Variants in ACAA2 observed in about 807,000 individuals in gnomAD.
ACAA2 encodes the protein acetyl-CoA acyltransferase 2.
ACAA2 carries 35 observed loss-of-function variants against 44.8 expected under a neutral mutation model. The ratio of observed to expected loss-of-function variants is 0.78; its 90% CI spans 0.60 to 1.04. ACAA2 has a LOEUF of 1.04. ACAA2 is among the 50% of genes least tolerant of loss of function. The probability of loss-of-function intolerance (pLI) is 0.00; values close to 1 mark genes in which losing one functional copy is unlikely to be tolerated. For synonymous variants in ACAA2, 142 were observed against 166.5 expected, an observed-to-expected ratio of 0.85 and a Z score of 1.13; for missense variants, 468 against 482.6, an observed-to-expected ratio of 0.97 and a Z score of 0.28.
At chr18:49,809,047 C>T (rs1278411429) in intron 1 of ACAA2, among the ~76,000 whole-genome samples, 4 of 152,114 alleles carry the variant, frequency 2.6e-5, no homozygotes, top group Admixed American at 6.5e-5. Context: ...CAATTCTTTT[C>T]CTAGGGTCTT....
chr18:49,787,219 A>C, intron 8 of ACAA2, 72 bp downstream of exon 8: 1 of 1,217,606 alleles, frequency 8.2e-7, no homozygotes, highest in Non-Finnish European at 1.1e-6. Flanking sequence ...ACCAAATTAA[A>C]GTCATTTATG....
At chr18:49,792,980 A>G (rs1598794313) in intron 5 of ACAA2, among the ~76,000 whole-genome samples, 1 of 151,928 alleles carries the variant, frequency 6.6e-6, no homozygotes, top group East Asian at 1.9e-4. Flanking sequence ...TTTAACCACA[A>G]TTTTTTTTCA....
chr18:49,807,249 G>T (rs188256153), intron 1 of ACAA2, among the ~76,000 whole-genome samples: 13 of 152,276 alleles, frequency 8.5e-5, no homozygotes, highest in Non-Finnish European at 1.6e-4. Context: ...TAAAAAATTA[G>T]TTGGGCATAG....
Position 49,794,427 on chromosome 18 carries a change from G to T in ACAA2, c.430C>A (p.Leu144Met). The change falls in exon 5 of 10, where the codon CTG becomes ATG. Residue 144 changes from leucine (L) to methionine (M), a missense_variant and splice_region_variant. By Grantham distance (15) the Leu-to-Met change is conservative. Coordinates refer to ENST00000285093, the MANE Select transcript of ACAA2 (RefSeq NM_006111.3). ...FGTKLGSDIK[L>M]EDSLWVSLTD... ...AATGATACCCATAAAGAATCTTCCA[G>T]CTATTAAAAGACATTAATAAAGTGA... is the stretch of plus-strand genomic sequence containing the variant. 1 of 1,576,680 alleles carries T rather than the reference G, an allele frequency of 6.3e-7. No homozygotes were observed. Among genetic ancestry groups the T allele is most frequent in the African/African-American group, 1.4e-5 (1 of 73,106 alleles).
At chr18:49,803,239 A>AAATGATAATAAT (rs1555790920) in intron 1 of ACAA2, among the ~76,000 whole-genome samples, 5 of 142,386 alleles carry the variant, frequency 3.5e-5, no homozygotes, top group Middle Eastern at 3.7e-3. Flanking sequence ...CTGGTAGTTA[A>AAATGATAATAAT]AATAATAATA....
In ACAA2 at chr18:49,802,764, CA is replaced by C; in HGVS notation, c.105del (p.Phe35LeufsTer20). 1.2e-6 allele frequency: 2 copies of C among 1,614,108 alleles called. No homozygotes were observed. Among genetic ancestry groups the C allele is most frequent in the Non-Finnish European group, 1.7e-6 (2 of 1,180,022 alleles). On this transcript the variant is annotated frameshift_variant, in exon 2 of 10. Coordinates refer to ENST00000285093, the MANE Select transcript of ACAA2 (RefSeq NM_006111.3). LOFTEE classifies it high-confidence loss of function. The stretch of plus-strand genomic sequence containing the variant: ...CCAGCAGACAAGGCAGCCTTGGCAG[CA>C]AATTCAGACAAGTCAGTAGCAGTGA... ...KDFTATDLSE[F>X]AAKAALSAGK...
At chr18:49,793,018 ATCTG>A (rs1214109645) in intron 5 of ACAA2, among the ~76,000 whole-genome samples, 5 of 152,160 alleles carry the variant, frequency 3.3e-5, no homozygotes, top group African/African-American at 9.7e-5. Context: ...TGTTAGCAGC[ATCTG>A]TCTGTTTGCT....
intron 4 of ACAA2, among the ~76,000 whole-genome samples, chr18:49,795,499 T>G (rs551942987): frequency 6.6e-6 from 1 of 152,282 alleles, no homozygotes; most frequent in African/African-American, 2.4e-5. Flanking sequence ...CTCCCATGCC[T>G]ATGGCCACTT....
At position 49,806,172 on chromosome 18, in the gene ACAA2, G is replaced by A. The variant is rs76297437; in HGVS notation, c.17-3319C>T. On this transcript the variant is annotated intron_variant, in intron 1 of 9. Transcript: ENST00000285093. ...ATAGCAACTAACTTGAAGACTAACA[G>A]TCCATGATGCATGGAATGGCTAGAA... 8.1e-3 allele frequency among the ~76,000 whole-genome samples: 1,239 copies of A among 152,282 alleles called. 22 individuals carry two copies. The highest frequency in any genetic ancestry group is 0.028 in the African/African-American group (1,151 of 41,528).
At chr18:49,808,210 C>A (rs1217775871) in intron 1 of ACAA2, among the ~76,000 whole-genome samples, 2 of 152,180 alleles carry the variant, frequency 1.3e-5, no homozygotes, top group African/African-American at 4.8e-5. Context: ...ACACCAAACA[C>A]TGGTGAGGAT....
chr18:49,800,193 CCCGGCCAGCCGCCCCGT>C, intron 2 of ACAA2, among the ~76,000 whole-genome samples: 1 of 137,674 alleles, frequency 7.3e-6, no homozygotes, highest in African/African-American at 2.8e-5. Flanking sequence ...CAGCCCCCCG[CCCGGCCAGCCGCCCCGT>C]CCGGGAGGTG....
Position 49,803,686 on chromosome 18 carries a change from A to G in ACAA2, c.17-833T>C, listed in dbSNP as rs1011948106. On this transcript the variant is annotated intron_variant, in intron 1 of 9. Coordinates refer to ENST00000285093, the MANE Select transcript of ACAA2 (RefSeq NM_006111.3). ...TGTTGAGAACTAAAATCCTTCTTCT[A>G]TGTGCTGGAGTATATTGCCTAGTAT... 2.0e-4 allele frequency among the ~76,000 whole-genome samples: 31 copies of G among 152,254 alleles called. No homozygotes were observed. The South Asian group carries it at 5.2e-3, about 25-fold the overall frequency.
intron 1 of ACAA2, among the ~76,000 whole-genome samples, chr18:49,803,908 CTTTTTTTTTTT>C (rs5824806): frequency 8.5e-6 from 1 of 118,028 alleles, no homozygotes; most frequent in Non-Finnish European, 1.8e-5. Context: ...AATGATATTG[CTTTTTTTTTTT>C]TTTTTTTGGA....
rs116287478 is a variant in ACAA2 at position 49,793,455 on chromosome 18, G to A, written c.577+825C>T. On this transcript the variant is annotated intron_variant, in intron 5 of 9. Transcript: ENST00000285093. ...TATGACTGAGCTTGATAACTTGTGC[G>A]TGGTAGAAGTAGAAACAGAACTGAT... 6.1e-3 allele frequency among the ~76,000 whole-genome samples: 927 copies of A among 152,250 alleles called. 11 individuals carry two copies. The highest frequency in any genetic ancestry group is 0.02 in the African/African-American group (845 of 41,534).
At chr18:49,801,812 A>ATATC (rs1555790826) in intron 2 of ACAA2, among the ~76,000 whole-genome samples, 14 of 143,312 alleles carry the variant, frequency 9.8e-5, no homozygotes, top group Non-Finnish European at 1.5e-4. Flanking sequence ...ATATATATAT[A>ATATC]TATCTTATCT....
In ACAA2 at chr18:49,792,332, A is replaced by AAAATAGTAG; in HGVS notation, c.578-14_578-6dup. On this transcript the variant is annotated splice_polypyrimidine_tract_variant and splice_region_variant and intron_variant, in intron 5 of 9. Coordinates refer to ENST00000285093, the MANE Select transcript of ACAA2 (RefSeq NM_006111.3). ...TAAAGTAGCCAGCATCATTAGCTGAAAAATAGTAGAGAGACTATCATAAGA... is the reference window on the plus strand; with the variant it reads ...TAAAGTAGCCAGCATCATTAGCTGAAAAATAGTAGAAATAGTAGAGAGACTATCATAAGA... The AAAATAGTAG allele has an allele frequency of 6.2e-7, 1 of 1,609,128 alleles. No individual in the cohort carries two copies. The highest frequency in any genetic ancestry group is 8.5e-7 in the Non-Finnish European group (1 of 1,176,204).
chr18:49,803,165 C>A (rs1208179174), intron 1 of ACAA2, among the ~76,000 whole-genome samples: 1 of 151,146 alleles, frequency 6.6e-6, no homozygotes, highest in Non-Finnish European at 1.5e-5. Flanking sequence ...AAGAAAAAAG[C>A]AAAAAGTTAA....
At chr18:49,807,397 T>C (rs931775078) in intron 1 of ACAA2, among the ~76,000 whole-genome samples, 1 of 151,490 alleles carries the variant, frequency 6.6e-6, no homozygotes, top group African/African-American at 2.4e-5. Context: ...AACAAAGAGA[T>C]CATAGACTTA....
chr18:49,801,342 A>C (rs1020037304), intron 2 of ACAA2, among the ~76,000 whole-genome samples: 4 of 152,230 alleles, frequency 2.6e-5, no homozygotes, highest in Admixed American at 6.5e-5. Context: ...AACTGATACT[A>C]TTTATAGTGA....
Sources: allele counts gnomAD v4.1 joint callset (sites outside exome capture counted in the v4.1 genomes callset), GRCh38; gene constraint gnomAD v4.1.1; transcripts MANE v1.5; gene names NCBI Gene and HGNC (gene_info 2026-07-23, HGNC 2026-07-21).